The following PSAT1 variants were observed in gnomAD, a reference collection of about 807,000 sequenced individuals.
The protein encoded by PSAT1 is phosphoserine aminotransferase 1, also known as phosphoserine aminotransferase.
Under a neutral mutation model 40.3 loss-of-function variants are expected in PSAT1, and 41 were observed. The observed-to-expected ratio is 1.02, with a 90% confidence interval of 0.79 to 1.32. PSAT1 has a LOEUF of 1.32. Ranked by LOEUF, PSAT1 falls within the 40% of genes most tolerant of loss-of-function variation. PSAT1 has a pLI of 0.00. For synonymous variants in PSAT1, 147 were observed against 170.5 expected (o/e 0.86, Z 1.07); for missense variants, 406 against 455.8 (o/e 0.89, Z 0.99).
chr9:78,313,010 T>TCCTTTTCTAAGCCCTGGTGC (rs1197366677), intron 6 of PSAT1, among the ~76,000 whole-genome samples: 1 of 152,202 alleles, frequency 6.6e-6, no homozygotes, highest in East Asian at 1.9e-4. Context: ...CTTTCTGGTG[T>TCCTTTTCTAAGCCCTGGTGC]CCTTTTCTAA....
rs375588477 is a variant in PSAT1 at position 78,317,678 on chromosome 9, T to G, written c.743T>G (p.Ile248Ser). 6.2e-7 allele frequency: 1 copy of G among 1,613,524 alleles called. No individual in the cohort carries two copies. The change falls in exon 7 of 9, where the codon ATC becomes AGC. Residue 248 changes from isoleucine (I) to serine (S), a missense_variant and splice_region_variant. By Grantham distance (142) the Ile-to-Ser change is moderately radical. Transcript: ENST00000376588. ...TTTTTTAAAAATCTTCATTTTAGCA[T>G]CTACGTCATGGGCTTGGTTCTGGAG... The part of the protein sequence containing the change: ...SLYNTPPCFS[I>S]YVMGLVLEWI...
intron 7 of PSAT1, among the ~76,000 whole-genome samples, chr9:78,326,669 C>T (rs114242312): frequency 0.023 from 3,474 of 151,992 alleles, 133 homozygotes; most frequent in African/African-American, 0.078. Flanking sequence ...TTTGTTTCTG[C>T]ATCATAGAAC....
chr9:78,317,530 C>G (rs117734443), intron 6 of PSAT1, 146 bp from the exon 7 acceptor site: 8 of 1,014,278 alleles, frequency 7.9e-6, no homozygotes, highest in Non-Finnish European at 1.1e-5. Flanking sequence ...GGATTACGGG[C>G]GTGAGCCACT....
chr9:78,323,414 A>G (rs1828456097), intron 7 of PSAT1, among the ~76,000 whole-genome samples: 2 of 152,046 alleles, frequency 1.3e-5, no homozygotes, highest in South Asian at 4.2e-4. Flanking sequence ...TCTACAAATA[A>G]TAATAATAAT....
At chr9:78,317,449 C>T (rs1828361787) in intron 6 of PSAT1, among the ~76,000 whole-genome samples, 1 of 152,164 alleles carries the variant, frequency 6.6e-6, no homozygotes, top group East Asian at 1.9e-4. Context: ...ACGGGTCTTG[C>T]TATGTTGCCT....
intron 7 of PSAT1, among the ~76,000 whole-genome samples, chr9:78,320,581 A>G (rs1828414907): frequency 1.4e-5 from 2 of 139,444 alleles, no homozygotes; most frequent in Admixed American, 1.4e-4. Flanking sequence ...CTATCCGCCC[A>G]TCTATCTACC....
chr9:78,304,682 A>G (rs1178546713), intron 3 of PSAT1, 53 bp from the exon 4 acceptor site: 5 of 1,528,528 alleles, frequency 3.3e-6, no homozygotes, highest in African/African-American at 1.4e-5. Context: ...ACTTGTTCTC[A>G]ATCTTTGACC....
intron 1 of PSAT1, among the ~76,000 whole-genome samples, chr9:78,299,183 T>A (rs2118618123): frequency 1.5e-5 from 2 of 132,646 alleles, no homozygotes; most frequent in South Asian, 2.6e-4. Flanking sequence ...TTGGTTATGA[T>A]CCACAAAAGC....
At chr9:78,311,021 G>T (rs181711632) in intron 6 of PSAT1, among the ~76,000 whole-genome samples, 19 of 152,238 alleles carry the variant, frequency 1.2e-4, no homozygotes, top group African/African-American at 4.6e-4. Flanking sequence ...AGTGTTCTGG[G>T]ATGCACTCTC....
At chr9:78,300,379 C>T (rs746564860) in intron 1 of PSAT1, among the ~76,000 whole-genome samples, 26 of 152,080 alleles carry the variant, frequency 1.7e-4, no homozygotes, top group Admixed American at 4.6e-4. Flanking sequence ...AAAAGTGTAT[C>T]AACATCAGTC....
intron 3 of PSAT1, among the ~76,000 whole-genome samples, chr9:78,303,068 A>G (rs1828131696): frequency 6.6e-6 from 1 of 152,218 alleles, no homozygotes; most frequent in Non-Finnish European, 1.5e-5. Context: ...ATGGTAGGAA[A>G]AACACTGTAG....
At chr9:78,320,336 C>CCATG (rs57404909) in intron 7 of PSAT1, among the ~76,000 whole-genome samples, 1 of 149,410 alleles carries the variant, frequency 6.7e-6, no homozygotes, top group Non-Finnish European at 1.5e-5. Context: ...ATCCATCCAT[C>CCATG]TATCCATCCA....
At chr9:78,299,144 C>CAAAAAAAAAAAAAAAAAAAAAAAAAAAAA (rs71360679) in intron 1 of PSAT1, among the ~76,000 whole-genome samples, 2 of 87,308 alleles carry the variant, frequency 2.3e-5, no homozygotes, top group African/African-American at 9.1e-5. Context: ...TGTCTCTTAA[C>CAAAAAAAAAAAAAAAAAAAAAAAAAAAAA]AAAAAAAAAA....
intron 1 of PSAT1, chr9:78,298,502 A>G: frequency 4.4e-6 from 4 of 916,666 alleles, no homozygotes; most frequent in Non-Finnish European, 5.2e-6. Context: ...CTCAGTGGTT[A>G]CAGTTCATTT....
chr9:78,327,961 G>A (rs1270120655), intron 7 of PSAT1, 90 bp from the exon 8 acceptor site: 1 of 1,380,096 alleles, frequency 7.2e-7, no homozygotes, highest in Non-Finnish European at 1.0e-6. Flanking sequence ...CTTGCATCTA[G>A]GAAGTGTTAA....
chr9:78,309,363 T>TTTG (rs1294571640), intron 6 of PSAT1, among the ~76,000 whole-genome samples: 5 of 152,156 alleles, frequency 3.3e-5, no homozygotes, highest in Non-Finnish European at 1.5e-5. Context: ...CTTTCTGGGT[T>TTTG]TTGTTGTTGT....
At chr9:78,310,898 G>A (rs1328315615) in intron 6 of PSAT1, among the ~76,000 whole-genome samples, 3 of 152,078 alleles carry the variant, frequency 2.0e-5, no homozygotes, top group South Asian at 2.1e-4. Flanking sequence ...GTGAGCCACC[G>A]CCGGAATTTT....
chr9:78,326,204 CCT>C (rs1370017189), intron 7 of PSAT1, among the ~76,000 whole-genome samples: 1 of 152,110 alleles, frequency 6.6e-6, no homozygotes, highest in Admixed American at 6.5e-5. Context: ...CCTCAGGGGG[CCT>C]CTCACACTGC....
intron 4 of PSAT1, among the ~76,000 whole-genome samples, 154 bp from the exon 5 acceptor site, chr9:78,306,160 G>A (rs955487309): frequency 3.9e-5 from 6 of 152,240 alleles, no homozygotes; most frequent in African/African-American, 1.4e-4. Flanking sequence ...AACAAAGGAT[G>A]AGGCTGGGAG....
Sources: allele counts gnomAD v4.1 joint callset (sites outside exome capture counted in the v4.1 genomes callset), GRCh38; gene constraint gnomAD v4.1.1; transcripts MANE v1.5; gene names NCBI Gene and HGNC (gene_info 2026-07-23, HGNC 2026-07-21).